ATP2C2: variants seen among roughly 807,000 people sequenced by gnomAD.
The protein encoded by ATP2C2 is calcium-transporting ATPase type 2C member 2.
Under a neutral mutation model 110.8 loss-of-function variants are expected in ATP2C2, and 171 were observed. That is an observed-to-expected ratio of 1.54 (90% CI 1.36 to 1.75). The LOEUF is 1.75. Ranked by LOEUF, ATP2C2 falls within the 40% of genes most tolerant of loss-of-function variation. The pLI, the probability that ATP2C2 is intolerant of heterozygous loss-of-function variation, is 0.00. For synonymous variants in ATP2C2, 804 were observed against 508.4 expected (o/e 1.58, Z -7.82); for missense variants, 1,963 against 1,235.0 (o/e 1.59, Z -8.84).
intron 1 of ATP2C2, among the ~76,000 whole-genome samples, chr16:84,376,303 G>A (rs367764408): frequency 3.3e-5 from 5 of 152,206 alleles, no homozygotes; most frequent in South Asian, 2.1e-4. Flanking sequence ...TACAGAATTC[G>A]TGGGGCAGAC....
At chr16:84,398,996 C>G (rs913741865) in intron 2 of ATP2C2, among the ~76,000 whole-genome samples, 14 of 152,360 alleles carry the variant, frequency 9.2e-5, no homozygotes, top group African/African-American at 2.9e-4. Flanking sequence ...AAAGCCCAAA[C>G]TCTTGGTCAT....
At chr16:84,434,946 T>C (rs1908607570) in intron 11 of ATP2C2, among the ~76,000 whole-genome samples, 1 of 152,230 alleles carries the variant, frequency 6.6e-6, no homozygotes, top group Admixed American at 6.5e-5. Context: ...AATGTTTGCT[T>C]AGCTGGTCTT....
Position 84,388,072 on chromosome 16 carries a change from C to T in ATP2C2, c.100-10427C>T, listed in dbSNP as rs1904422103. Among the ~76,000 whole-genome samples, 4 of 152,172 alleles carry T rather than the reference C, an allele frequency of 2.6e-5. No homozygotes were observed. In the East Asian group the frequency reaches 7.7e-4, roughly 29 times the overall value. ...GCCAGGCAGGTGCAGTGGCTCACGC[C>T]TGTCATCCCAGCACTTTGGGAGGCC... is the stretch of plus-strand genomic sequence containing the variant. On this transcript the variant is annotated intron_variant, in intron 1 of 26. Coordinates refer to ENST00000262429, the MANE Select transcript of ATP2C2 (RefSeq NM_014861.4).
chr16:84,444,442 C>T (rs566331915), intron 15 of ATP2C2, among the ~76,000 whole-genome samples: 2 of 152,322 alleles, frequency 1.3e-5, no homozygotes, highest in East Asian at 3.9e-4. Context: ...CATTGCACTC[C>T]AGCCTGGGTG....
chr16:84,437,749 C>T (rs1228751691), intron 11 of ATP2C2, among the ~76,000 whole-genome samples: 3 of 152,232 alleles, frequency 2.0e-5, no homozygotes, highest in African/African-American at 4.8e-5. Flanking sequence ...CTCCTGACCT[C>T]AGGTGATCTG....
intron 14 of ATP2C2, 82 bp from the exon 15 acceptor site, chr16:84,442,428 G>A (rs904592358): frequency 1.5e-6 from 2 of 1,362,018 alleles, no homozygotes; most frequent in African/African-American, 1.4e-5. Context: ...AACCCCAGCT[G>A]TAAAAATGGG....
At chr16:84,443,360 T>C (rs912767996) in intron 15 of ATP2C2, among the ~76,000 whole-genome samples, 6 of 152,132 alleles carry the variant, frequency 3.9e-5, no homozygotes, top group Non-Finnish European at 8.8e-5. Context: ...CCCTGGACAC[T>C]GTGGGAGCTC....
chr16:84,382,054 T>C (rs12448123), intron 1 of ATP2C2, among the ~76,000 whole-genome samples: 34,386 of 152,044 alleles, frequency 0.23, 4,759 homozygotes, highest in South Asian at 0.37. Flanking sequence ...GTTACATAGG[T>C]ATCCACGTGC....
At chr16:84,430,303 C>A (rs2875891) in intron 11 of ATP2C2, among the ~76,000 whole-genome samples, 1 of 152,000 alleles carries the variant, frequency 6.6e-6, no homozygotes, top group African/African-American at 2.4e-5. Context: ...CCCGTCTACG[C>A]GAACGGCAAA....
intron 11 of ATP2C2, among the ~76,000 whole-genome samples, chr16:84,434,669 C>G (rs1908585332): frequency 6.6e-6 from 1 of 151,834 alleles, no homozygotes; most frequent in Non-Finnish European, 1.5e-5. Flanking sequence ...CAGGTGCTCG[C>G]TACCACACCC....
intron 7 of ATP2C2, among the ~76,000 whole-genome samples, chr16:84,416,525 C>A (rs1906849081): frequency 6.6e-6 from 1 of 152,184 alleles, no homozygotes; most frequent in Non-Finnish European, 1.5e-5. Flanking sequence ...GGGTTGGAAG[C>A]TACCCCCTGG....
intron 18 of ATP2C2, among the ~76,000 whole-genome samples, chr16:84,452,762 G>A (rs1308736381): frequency 6.6e-6 from 1 of 152,228 alleles, no homozygotes; most frequent in East Asian, 1.9e-4. Flanking sequence ...GCCTCACAAA[G>A]TGCTGGGATT....
At chr16:84,397,768 C>G (rs1188974495) in intron 1 of ATP2C2, among the ~76,000 whole-genome samples, 1 of 151,280 alleles carries the variant, frequency 6.6e-6, no homozygotes, top group African/African-American at 2.4e-5. Flanking sequence ...GTGATCTACT[C>G]ATACAGTGGA....
At chr16:84,432,126 T>G (rs990608389) in intron 11 of ATP2C2, among the ~76,000 whole-genome samples, 3 of 152,118 alleles carry the variant, frequency 2.0e-5, no homozygotes, top group Non-Finnish European at 2.9e-5. Flanking sequence ...TTTTATTATT[T>G]CAGTAGGCTT....
intron 26 of ATP2C2, chr16:84,462,696 T>G (rs1472467603): frequency 6.5e-6 from 1 of 153,060 alleles, no homozygotes; most frequent in African/African-American, 2.4e-5. Context: ...ATGGCAGGCA[T>G]GGGGCAAGGG....
At chr16:84,407,236 G>A (rs1294994873) in intron 3 of ATP2C2, 1 of 152,152 alleles carries the variant, frequency 6.6e-6, no homozygotes, top group East Asian at 1.9e-4. Context: ...TCTGTCTCAG[G>A]AGTCTCACCA....
In ATP2C2 at chr16:84,410,883, C is replaced by G. The variant is rs1342795276; in HGVS notation, c.515+118C>G. The stretch of plus-strand genomic sequence containing the variant: ...GTAGTGTCGGACAAGAGAACCACAT[C>G]TCACTGGGAGTTCTAAGGCCTGGTC... On this transcript the variant is annotated intron_variant, in intron 6 of 26. Transcript: ENST00000262429. 8 of 1,024,078 alleles carry G rather than the reference C, an allele frequency of 7.8e-6. No homozygotes were observed. In the Admixed American group the frequency reaches 8.1e-5, roughly 10 times the overall value. The allele number at this position is 1,024,078 out of a possible 1,614,324, so 63.4% of individuals were successfully genotyped here.
chr16:84,444,172 AAAAAAAAAAAAAC>A (rs1909530563), intron 15 of ATP2C2, among the ~76,000 whole-genome samples: 1 of 150,076 alleles, frequency 6.7e-6, no homozygotes, highest in African/African-American at 2.5e-5. Context: ...CAAAAAAAAA[AAAAAAAAAAAAAC>A]AAAAAGATTG....
chr16:84,460,426 C>G, intron 23 of ATP2C2: 3 of 621,084 alleles, frequency 4.8e-6, no homozygotes, highest in Non-Finnish European at 8.6e-6. Flanking sequence ...GGTGGTCTTC[C>G]TTCACTGTCT....
Sources: allele counts gnomAD v4.1 joint callset (sites outside exome capture counted in the v4.1 genomes callset), GRCh38; gene constraint gnomAD v4.1.1; transcripts MANE v1.5; gene names NCBI Gene and HGNC (gene_info 2026-07-23, HGNC 2026-07-21).